Variants in MTCH1 observed in about 807,000 individuals in gnomAD.
MTCH1 encodes mitochondrial carrier 1.
Under a neutral mutation model 49.3 loss-of-function variants are expected in MTCH1, and 23 were observed. The observed-to-expected ratio is 0.47, with a 90% CI of 0.34 to 0.66. The LOEUF (loss-of-function observed/expected upper bound fraction) is 0.66, where lower values mean the gene tolerates loss of function less well. MTCH1 is among the 30% of genes least tolerant of loss of function. The pLI is 0.01. For missense variants in MTCH1, 397 were observed against 532.1 expected, an observed-to-expected ratio of 0.75 and a Z score of 2.50; for synonymous variants, 229 against 215.2, an observed-to-expected ratio of 1.06 and a Z score of -0.56.
chr6:36,985,792 A>G (rs1764284351), intron 1 of MTCH1, 61 bp downstream of exon 1: 2 of 1,515,672 alleles, frequency 1.3e-6, no homozygotes, highest in South Asian at 2.4e-5. Flanking sequence ...AATCCTCCAA[A>G]TCCTGGCCTG....
chr6:36,969,692 A>G, intron 11 of MTCH1: 1 of 1,213,342 alleles, frequency 8.2e-7, no homozygotes, highest in Non-Finnish European at 1.0e-6. Flanking sequence ...CAGACCTCGA[A>G]TTTTCAGCCC....
At chr6:36,979,040 C>T (rs186001378) in intron 2 of MTCH1, among the ~76,000 whole-genome samples, 59 of 152,040 alleles carry the variant, frequency 3.9e-4, no homozygotes, top group East Asian at 2.3e-3. Flanking sequence ...AGAAACTGCC[C>T]GCAGGGAATG....
intron 10 of MTCH1, 92 bp downstream of exon 10, chr6:36,970,314 G>A (rs963559074): frequency 3.3e-6 from 5 of 1,530,540 alleles, no homozygotes; most frequent in Middle Eastern, 1.7e-4. Context: ...CAGAGCAGGT[G>A]GGAGGGGGCA....
At position 36,968,923 on chromosome 6, in the gene MTCH1, A is replaced by G. The variant is rs763576695; in HGVS notation, c.1150T>C (p.Ser384Pro). The stretch of plus-strand genomic sequence containing the variant: ...TCAGGTTACTCCAGGGCAAAGCATG[A>G]TCCTGATGACACCCGGCGGAAAAGC... Reference protein sequence around the residue: ...SLLFRRVSSGSCFALE With the variant: ...SLLFRRVSSGPCFALE Residue 384 changes from serine to proline, a missense_variant, in exon 12 of 12, where the codon TCA (serine) becomes CCA (proline). Transcript: ENST00000373627. 3 of 1,614,066 alleles carry G rather than the reference A, an allele frequency of 1.9e-6. No homozygotes were observed. The highest frequency in any genetic ancestry group is 2.5e-6 in the Non-Finnish European group (3 of 1,179,976).
rs911110389 is a variant in MTCH1 at position 36,968,278 on chromosome 6, C to T, written c.*625G>A. ...TGCACAGGTAACCAGATCCTGTACG[C>T]GAGGCATCACCATTAAACAGATGAG... On this transcript the variant is annotated 3_prime_UTR_variant, in exon 12 of 12. Transcript: ENST00000373627. 17 of 183,546 alleles carry T rather than the reference C, an allele frequency of 9.3e-5. No individual in the cohort carries two copies. The highest frequency in any genetic ancestry group is 1.7e-4 in the Non-Finnish European group (15 of 86,528). The allele number at this position is 183,546 out of a possible 1,614,324, so 11.4% of individuals were successfully genotyped here.
rs1230427911 is a variant in MTCH1 at position 36,986,102 on chromosome 6, A to AGCTCCGGCTCCC, written c.60_71dup (p.Gly25_Ala28dup). 12 of 1,438,564 alleles carry AGCTCCGGCTCCC rather than the reference A, an allele frequency of 8.3e-6. No homozygotes were observed. The highest frequency in any genetic ancestry group is 9.9e-6 in the Non-Finnish European group (11 of 1,106,750). The allele number at this position is 1,438,564 out of a possible 1,614,324, so 89.1% of individuals were successfully genotyped here. A position where few individuals can be genotyped will look rare whatever the true frequency, so the allele number is the denominator to read the frequency against. On this transcript the variant is annotated inframe_insertion, in exon 1 of 12. Coordinates refer to ENST00000373627, the MANE Select transcript of MTCH1 (RefSeq NM_001271641.2). Reference sequence around the variant, plus strand: ...CCGCTCCGCCGCGAGCTCCGGCTCCAGCTCCGGCTCCCGCCATCCCCGCGG... The same window carrying AGCTCCGGCTCCC: ...CCGCTCCGCCGCGAGCTCCGGCTCCAGCTCCGGCTCCCGCTCCGGCTCCCGCCATCCCCGCGG...
At chr6:36,970,368 T>C in intron 10 of MTCH1, 38 bp downstream of exon 10, 1 of 1,611,538 alleles carries the variant, frequency 6.2e-7, no homozygotes, top group Non-Finnish European at 8.5e-7. Context: ...CCCACAGCCT[T>C]GGTAGGTAGA....
At chr6:36,969,664 A>G in intron 11 of MTCH1, 1 of 1,196,906 alleles carries the variant, frequency 8.4e-7, no homozygotes, top group African/African-American at 1.6e-5. Flanking sequence ...CAACCCAGGA[A>G]CTCAGCTCAA....
chr6:36,986,040 G>A lies in MTCH1; in HGVS notation c.134C>T (p.Pro45Leu). The A allele has an allele frequency of 6.7e-7, 1 of 1,491,140 alleles. No individual in the cohort carries two copies. The highest frequency in any genetic ancestry group is 1.3e-5 in the South Asian group (1 of 79,240). The allele number at this position is 1,491,140 out of a possible 1,614,324, so 92.4% of individuals were successfully genotyped here. ...GTGGCGAGGATGTGCGCGGTGCGCG[G>A]GCGGTGGATCGCGAGCTCGAGCCTC... The part of the protein sequence containing the change: ...GVEARARDPP[P>L]AHRAHPRHPR... Residue 45 changes from proline to leucine, a missense_variant, in exon 1 of 12, where the codon CCC becomes CTC. Around this residue, in one of 2 missense-constraint regions of MTCH1, gnomAD observed 145 missense variants for 143.8 expected, o/e 1.01. Coordinates refer to ENST00000373627, the MANE Select transcript of MTCH1 (RefSeq NM_001271641.2).
chr6:36,981,462 T>C (rs1764084031), intron 2 of MTCH1, 126 bp downstream of exon 2: 1 of 805,448 alleles, frequency 1.2e-6, no homozygotes, highest in African/African-American at 1.8e-5. Flanking sequence ...TTAGATCCCC[T>C]CCTCCATGCC....
rs1453347586 is a variant in MTCH1, at chr6:36,972,433, G to T, written c.906+219C>A. Among the ~76,000 whole-genome samples the T allele has an allele frequency of 6.6e-6, 1 of 152,182 alleles. No individual in the cohort carries two copies. Among genetic ancestry groups the T allele is most frequent in the Admixed American group, 6.5e-5 (1 of 15,290 alleles). On this transcript the variant is annotated intron_variant, in intron 8 of 11. Coordinates refer to ENST00000373627, the MANE Select transcript of MTCH1 (RefSeq NM_001271641.2). The surrounding 1 kb of genome is among the most constrained non-coding windows in gnomAD (Gnocchi z 4.1). ...GGGGTCTGTTTCTAAGGCGCCCAGG[G>T]ACAAGCATTCCATTAATTCCTCCCA...
Position 36,977,309 on chromosome 6 carries a change from C to T in MTCH1, c.650-59G>A, listed in dbSNP as rs1763917437. ...GTGGTGGGCCACACTTCATAATGCT[C>T]CAGCCACCGGGTGCCAGGTGCAGAG... is the stretch of plus-strand genomic sequence containing the variant. On this transcript the variant is annotated intron_variant, in intron 5 of 11. Transcript: ENST00000373627. The surrounding 1 kb of genome is among the most constrained non-coding windows in gnomAD (Gnocchi z 5.4). 1 of 1,588,052 alleles carries T rather than the reference C, an allele frequency of 6.3e-7. No homozygotes were observed. Among genetic ancestry groups the T allele is most frequent in the African/African-American group, 1.3e-5 (1 of 74,470 alleles).
chr6:36,978,392 G>A, intron 3 of MTCH1, 113 bp downstream of exon 3: 1 of 1,107,950 alleles, frequency 9.0e-7, no homozygotes, highest in Non-Finnish European at 1.3e-6. Flanking sequence ...CTGGAGTGAA[G>A]CCCCCAATGG....
At chr6:36,976,132 G>A (rs534228642) in intron 6 of MTCH1, among the ~76,000 whole-genome samples, 18 of 152,288 alleles carry the variant, frequency 1.2e-4, no homozygotes, top group South Asian at 2.1e-4. Flanking sequence ...AGAGTAGGAG[G>A]GGGTAGTAAG....
chr6:36,984,890 C>T (rs1266728023), intron 1 of MTCH1, among the ~76,000 whole-genome samples: 2 of 152,124 alleles, frequency 1.3e-5, no homozygotes, highest in Admixed American at 6.5e-5. Context: ...AATTTCAATA[C>T]TCCCGTGCCC....
chr6:36,977,018 A>C lies in MTCH1; in HGVS notation c.701+181T>G, dbSNP rs962042922. On this transcript the variant is annotated intron_variant, in intron 6 of 11. Coordinates refer to ENST00000373627, the MANE Select transcript of MTCH1 (RefSeq NM_001271641.2). This position sits in a 1 kb window ranked among gnomAD's most constrained non-coding sequence, Gnocchi z 5.4. ...GGCTGCCCTTGATAAGAGATGACGA[A>C]GAGAAAATGACCCTGGACAGACTAT... Among the ~76,000 whole-genome samples the C allele has an allele frequency of 4.6e-5, 7 of 152,312 alleles. No individual in the cohort carries two copies. Among genetic ancestry groups the C allele is most frequent in the Admixed American group, 2.0e-4 (3 of 15,310 alleles).
intron 8 of MTCH1, 108 bp from the exon 9 acceptor site, chr6:36,970,802 C>G: frequency 8.3e-7 from 1 of 1,201,862 alleles, no homozygotes; most frequent in Non-Finnish European, 1.2e-6. Flanking sequence ...CACAAGCACG[C>G]TGCACATGCC....
intron 2 of MTCH1, 126 bp downstream of exon 2, chr6:36,981,459 CCCT>C: frequency 2.6e-6 from 2 of 783,360 alleles, no homozygotes; most frequent in Non-Finnish European, 2.0e-6. Flanking sequence ...CGCTTAGATC[CCCT>C]CCTCCATGCC....
At chr6:36,974,405 A>G (rs1307022906) in intron 7 of MTCH1, among the ~76,000 whole-genome samples, 3 of 152,162 alleles carry the variant, frequency 2.0e-5, no homozygotes, top group East Asian at 1.9e-4. Context: ...AAGTCTCACT[A>G]TGTTGCTCAG....
Sources: gnomAD v4.1 joint callset for allele counts (sites outside exome capture counted in the v4.1 genomes callset) on GRCh38, gnomAD v4.1.1 for gene constraint, gnomAD v4.1.1 regional missense constraint, Gnocchi (gnomAD v3.1) non-coding constraint, MANE v1.5 for transcripts, NCBI Gene and HGNC (gene_info 2026-07-23, HGNC 2026-07-21) for gene names.